NRXN1: variants seen among roughly 807,000 people sequenced by gnomAD.
NRXN1 encodes the protein neurexin 1.
A neutral mutation model predicts 150.9 loss-of-function variants in NRXN1; 39 were observed. The ratio of observed to expected loss-of-function variants is 0.26; its 90% confidence interval spans 0.20 to 0.34. The LOEUF (loss-of-function observed/expected upper bound fraction) is 0.34. NRXN1 is among the 10% of genes least tolerant of loss of function. The probability of loss-of-function intolerance (pLI) is 1.00; values close to 1 mark genes in which losing one functional copy is unlikely to be tolerated. For synonymous variants in NRXN1, 924 were observed against 757.0 expected (o/e 1.22, Z -3.62); for missense variants, 1,815 against 1,949.9 (o/e 0.93, Z 1.30).
At chr2:50,996,592 G>A (rs1053600284) in intron 2 of NRXN1, among the ~76,000 whole-genome samples, 1 of 151,992 alleles carries the variant, frequency 6.6e-6, no homozygotes, top group African/African-American at 2.4e-5. Context: ...CATGTACCTG[G>A]CTTCTGCCCT....
At chr2:49,987,052 A>G (rs1229299893) in intron 21 of NRXN1, among the ~76,000 whole-genome samples, 2 of 152,110 alleles carry the variant, frequency 1.3e-5, no homozygotes, top group Non-Finnish European at 2.9e-5. Context: ...AGAAAAAAAA[A>G]AGAAAATATA....
chr2:50,546,282 G>T (rs2093492374), intron 9 of NRXN1, among the ~76,000 whole-genome samples: 1 of 152,132 alleles, frequency 6.6e-6, no homozygotes, highest in African/African-American at 2.4e-5. Flanking sequence ...TCTTTACAGT[G>T]GGGATGAAGT....
At chr2:50,147,753 A>C (rs2058433035) in intron 18 of NRXN1, among the ~76,000 whole-genome samples, 1 of 151,822 alleles carries the variant, frequency 6.6e-6, no homozygotes. Flanking sequence ...CAAGTTTCTA[A>C]CATGAAGTAA....
At chr2:51,005,045 T>A (rs996144712) in intron 2 of NRXN1, among the ~76,000 whole-genome samples, 3 of 151,994 alleles carry the variant, frequency 2.0e-5, no homozygotes, top group African/African-American at 7.2e-5. Flanking sequence ...TCTAGCTATT[T>A]TTTAAAATAG....
At chr2:50,458,550 C>G (rs1384465763) in intron 17 of NRXN1, among the ~76,000 whole-genome samples, 1 of 151,812 alleles carries the variant, frequency 6.6e-6, no homozygotes, top group Non-Finnish European at 1.5e-5. Context: ...CACATGTACC[C>G]CCTAAATATG....
intron 8 of NRXN1, among the ~76,000 whole-genome samples, chr2:50,599,095 T>C (rs1675817242): frequency 6.6e-6 from 1 of 152,056 alleles, no homozygotes; most frequent in Admixed American, 6.6e-5. Flanking sequence ...CTTTTAAAGA[T>C]ACATCAACTA....
At chr2:50,835,819 T>C (rs1418318879) in intron 5 of NRXN1, among the ~76,000 whole-genome samples, 8 of 152,212 alleles carry the variant, frequency 5.3e-5, no homozygotes, top group Non-Finnish European at 1.2e-4. Context: ...ATGAGACTGA[T>C]AGTTTGGAAC....
chr2:50,830,025 A>AAAAAG (rs1454662926), intron 5 of NRXN1, among the ~76,000 whole-genome samples: 7 of 126,442 alleles, frequency 5.5e-5, no homozygotes, highest in African/African-American at 1.9e-4. Flanking sequence ...AAAAAAAAAA[A>AAAAAG]AAAAAGCTCA....
intron 2 of NRXN1, among the ~76,000 whole-genome samples, chr2:50,977,816 G>A (rs1696103262): frequency 6.6e-6 from 1 of 151,708 alleles, no homozygotes; most frequent in East Asian, 1.9e-4. Flanking sequence ...TATCATAAAT[G>A]AGCATGCAAA....
intron 5 of NRXN1, among the ~76,000 whole-genome samples, chr2:50,659,962 C>T (rs1403186671): frequency 6.6e-6 from 1 of 151,960 alleles, no homozygotes; most frequent in Non-Finnish European, 1.5e-5. Flanking sequence ...ACAGATTTAT[C>T]ATTACAATTG....
At chr2:50,067,029 G>T (rs1170812021) in intron 19 of NRXN1, among the ~76,000 whole-genome samples, 3 of 152,204 alleles carry the variant, frequency 2.0e-5, no homozygotes, top group Non-Finnish European at 2.9e-5. Context: ...CACAGCTCAA[G>T]TAGGGTGATG....
intron 17 of NRXN1, among the ~76,000 whole-genome samples, chr2:50,425,123 G>C (rs2084376090): frequency 6.6e-6 from 1 of 152,142 alleles, no homozygotes; most frequent in Non-Finnish European, 1.5e-5. Context: ...AAACTTGATG[G>C]TGAGCATGCA....
At chr2:49,984,718 A>ACACAC (rs1680601343) in intron 21 of NRXN1, among the ~76,000 whole-genome samples, 3 of 146,844 alleles carry the variant, frequency 2.0e-5, no homozygotes, top group Admixed American at 6.8e-5. Flanking sequence ...AGAACACACA[A>ACACAC]ACACACACAC....
intron 5 of NRXN1, among the ~76,000 whole-genome samples, chr2:50,817,635 G>C (rs894570522): frequency 3.3e-5 from 5 of 151,948 alleles, no homozygotes; most frequent in Non-Finnish European, 4.4e-5. Context: ...AAATTTAACA[G>C]CATATTAAAA....
intron 17 of NRXN1, among the ~76,000 whole-genome samples, chr2:50,291,310 C>G (rs1395148795): frequency 6.6e-6 from 1 of 152,010 alleles, no homozygotes; most frequent in Non-Finnish European, 1.5e-5. Flanking sequence ...AAATGAAATA[C>G]GCATAACTAT....
At chr2:50,381,239 T>C (rs1006205765) in intron 17 of NRXN1, among the ~76,000 whole-genome samples, 1 of 150,384 alleles carries the variant, frequency 6.6e-6, no homozygotes, top group African/African-American at 2.5e-5. Context: ...GAAAAAAAAA[T>C]TGCCTTCTCT....
intron 5 of NRXN1, among the ~76,000 whole-genome samples, chr2:50,872,944 T>A (rs1678010533): frequency 6.6e-6 from 1 of 151,816 alleles, no homozygotes; most frequent in Admixed American, 6.6e-5. Context: ...GAGGCTGCAG[T>A]GAGCTATGAT....
intron 8 of NRXN1, among the ~76,000 whole-genome samples, chr2:50,595,571 G>T (rs918437886): frequency 6.6e-6 from 1 of 152,238 alleles, no homozygotes; most frequent in South Asian, 2.1e-4. Flanking sequence ...AGCATTTGAG[G>T]CTATGAGTGT....
chr2:50,978,440 T>C (rs1696265824), intron 2 of NRXN1, among the ~76,000 whole-genome samples: 2 of 150,768 alleles, frequency 1.3e-5, no homozygotes, highest in South Asian at 4.2e-4. Context: ...GCATCAATGT[T>C]GTTAATGGCT....
Sources: allele counts gnomAD v4.1 joint callset (sites outside exome capture counted in the v4.1 genomes callset), GRCh38; gene constraint gnomAD v4.1.1; transcripts MANE v1.5; gene names NCBI Gene and HGNC (gene_info 2026-07-23, HGNC 2026-07-21).